The following TIA1 variants were observed in gnomAD, a reference collection of about 807,000 sequenced individuals.
TIA1 encodes the protein TIA1 cytotoxic granule associated RNA binding protein.
TIA1 carries 23 observed loss-of-function variants against 65.9 expected under a neutral mutation model. The observed-to-expected ratio is 0.35, with a 90% confidence interval of 0.25 to 0.49. The LOEUF is 0.49. Ranked by LOEUF, TIA1 falls within the 20% of genes least tolerant of loss-of-function variation. TIA1 has a pLI of 0.98. For missense variants in TIA1, 371 were observed against 477.9 expected, an observed-to-expected ratio of 0.78 and a Z score of 2.09; for synonymous variants, 147 against 149.4, an observed-to-expected ratio of 0.98 and a Z score of 0.12.
chr2:70,236,034 T>C (rs1688749371), intron 2 of TIA1, 45 bp downstream of exon 2: 3 of 1,148,528 alleles, frequency 2.6e-6, no homozygotes, highest in East Asian at 2.4e-5. Context: ...TTAAGTAATG[T>C]GTAAAAAAAA....
chr2:70,214,770 C>T (rs918056353), intron 11 of TIA1, among the ~76,000 whole-genome samples: 4 of 152,026 alleles, frequency 2.6e-5, no homozygotes, highest in Non-Finnish European at 5.9e-5. Context: ...AAATGTTAAA[C>T]TTAGTAGAAT....
intron 10 of TIA1, 25 bp from the exon 11 acceptor site, chr2:70,215,519 A>G: frequency 6.3e-7 from 1 of 1,582,228 alleles, no homozygotes; most frequent in African/African-American, 1.4e-5. Context: ...ATTAAGAATC[A>G]CCAATACAAA....
At chr2:70,216,821 C>CAGCTAG in intron 8 of TIA1, 65 bp downstream of exon 8, 1 of 1,612,074 alleles carries the variant, frequency 6.2e-7, no homozygotes, top group Non-Finnish European at 8.5e-7. Context: ...ACAGCTCTAA[C>CAGCTAG]ATTTAAAATC....
chr2:70,226,625 T>G (rs1317545113), intron 6 of TIA1, among the ~76,000 whole-genome samples: 1 of 152,126 alleles, frequency 6.6e-6, no homozygotes, highest in Non-Finnish European at 1.5e-5. Flanking sequence ...CACAAAATTG[T>G]GCATAGAGAT....
rs1676302442 is a variant in TIA1 at position 70,210,850 on chromosome 2, A to G, written c.*1869T>C. 6.6e-6 allele frequency: 1 copy of G among 152,230 alleles called. No individual in the cohort carries two copies. 9.4% of individuals were successfully genotyped at this position (152,230 alleles called of 1,614,324 possible). The stretch of plus-strand genomic sequence containing the variant: ...TTCCAAGTATTTAAAAAATTTACTC[A>G]TCTTCCATAAAGCGACTTTTAATGT... On this transcript the variant is annotated 3_prime_UTR_variant, in exon 13 of 13. Transcript: ENST00000433529.
At chr2:70,218,583 G>A (rs1275550680) in intron 7 of TIA1, among the ~76,000 whole-genome samples, 1 of 151,714 alleles carries the variant, frequency 6.6e-6, no homozygotes, top group African/African-American at 2.4e-5. Flanking sequence ...ATTTTTTTTT[G>A]TATTTTTTAG....
In TIA1 at chr2:70,248,520, G is replaced by C. The variant is rs762581409; in HGVS notation, c.-90C>G. On this transcript the variant is annotated 5_prime_UTR_variant, in exon 1 of 13. Coordinates refer to ENST00000433529, the MANE Select transcript of TIA1 (RefSeq NM_022173.4). ...TTTAAGCGGTTATGGCTACAGGATAGTGGGGTTTCTCGGCTGACCAGAGGT... is the reference window on the plus strand; with the variant it reads ...TTTAAGCGGTTATGGCTACAGGATACTGGGGTTTCTCGGCTGACCAGAGGT... The C allele has an allele frequency of 2.2e-5, 35 of 1,587,368 alleles. No homozygotes were observed. Among genetic ancestry groups the C allele is most frequent in the African/African-American group, 4.0e-5 (3 of 74,648 alleles).
chr2:70,238,939 C>A (rs78714050), intron 1 of TIA1, among the ~76,000 whole-genome samples: 3 of 151,986 alleles, frequency 2.0e-5, no homozygotes, highest in Admixed American at 6.6e-5. Context: ...GCACTATGTC[C>A]CATGGCATGG....
chr2:70,209,729 AT>A lies in TIA1; in HGVS notation c.*2989del, dbSNP rs910126542. 2.3e-5 allele frequency: 9 copies of A among 398,058 alleles called. No individual in the cohort carries two copies. Among genetic ancestry groups the A allele is most frequent in the Non-Finnish European group, 4.0e-5 (9 of 225,902 alleles). The allele number at this position is 398,058 out of a possible 1,614,324, so 24.7% of individuals were successfully genotyped here. A position where few individuals can be genotyped will look rare whatever the true frequency, so the allele number is the denominator to read the frequency against. The stretch of plus-strand genomic sequence containing the variant: ...AACATTATTTGAGAGAAAAAAACTG[AT>A]TTTTTTTAAAGAAATCATCACTCTC... On this transcript the variant is annotated 3_prime_UTR_variant, in exon 13 of 13. Transcript: ENST00000433529.
chr2:70,236,084 T>C lies in TIA1; in HGVS notation c.118A>G (p.Met40Val), dbSNP rs1688781789. ...IGPCKNCKMI[M>V]DTAGNDPYCF... ...ACTAAGTAAAATACCCTTACATCCA[T>C]AATCATTTTGCAGTTTTTACAAGGT... The change falls in exon 2 of 13, where the codon ATG becomes GTG. Residue 40 changes from methionine (M) to valine (V), a missense_variant. Physicochemically the swap from Met to Val is conservative, Grantham distance 21. Transcript: ENST00000433529. The C allele has an allele frequency of 1.3e-6, 2 of 1,580,862 alleles. No individual in the cohort carries two copies. The highest frequency in any genetic ancestry group is 1.4e-5 in the African/African-American group (1 of 73,592).
At chr2:70,218,347 A>G (rs1384942092) in intron 7 of TIA1, among the ~76,000 whole-genome samples, 4 of 152,258 alleles carry the variant, frequency 2.6e-5, no homozygotes, top group Non-Finnish European at 5.9e-5. Flanking sequence ...GACTAGTTTC[A>G]GTGGAATCCA....
At position 70,230,819 on chromosome 2, in the gene TIA1, A is replaced by G; in HGVS notation, c.159T>C (p.Phe53=). 6.2e-7 allele frequency: 1 copy of G among 1,612,756 alleles called. No homozygotes were observed. The highest frequency in any genetic ancestry group is 8.5e-7 in the Non-Finnish European group (1 of 1,179,566). The change falls in exon 3 of 13, where the codon TTT becomes TTC. Residue 53 remains phenylalanine (F), a synonymous_variant. Transcript: ENST00000433529. ...AGNDPYCFVE[F]HEHRHAAAAL... is the part of the protein sequence containing the mutation. ...CTGCAGCTGCATGACGATGCTCATGAAACTCCACAAAACAATAGGGATCAT... is the reference window on the plus strand; with the variant it reads ...CTGCAGCTGCATGACGATGCTCATGGAACTCCACAAAACAATAGGGATCAT...
intron 2 of TIA1, among the ~76,000 whole-genome samples, chr2:70,234,807 GC>G (rs778377737): frequency 2.6e-5 from 4 of 152,000 alleles, no homozygotes; most frequent in Non-Finnish European, 5.9e-5. Context: ...TGATCTGCCT[GC>G]CTCGGCCTCC....
chr2:70,239,916 G>C (rs1372017659), intron 1 of TIA1, among the ~76,000 whole-genome samples: 2 of 152,166 alleles, frequency 1.3e-5, no homozygotes, highest in Non-Finnish European at 2.9e-5. Flanking sequence ...AATAGCTCTA[G>C]TTTAGAAAAG....
chr2:70,240,591 G>C (rs1318044740), intron 1 of TIA1, among the ~76,000 whole-genome samples: 1 of 152,164 alleles, frequency 6.6e-6, no homozygotes, highest in Admixed American at 6.6e-5. Flanking sequence ...ACAGAAAGCT[G>C]GGCACAGTGG....
intron 1 of TIA1, among the ~76,000 whole-genome samples, chr2:70,244,834 C>CAA (rs70956958): frequency 0.027 from 1,395 of 52,566 alleles, 100 homozygotes; most frequent in African/African-American, 0.047. Flanking sequence ...GACTCTGTCT[C>CAA]AAAAAAAAAA....
chr2:70,244,343 C>A (rs1693261200), intron 1 of TIA1, among the ~76,000 whole-genome samples: 1 of 152,190 alleles, frequency 6.6e-6, no homozygotes. Context: ...TACCATCTAA[C>A]ATAATTACTT....
At chr2:70,225,285 A>C (rs535514748) in intron 6 of TIA1, 1 of 1,248,850 alleles carries the variant, frequency 8.0e-7, no homozygotes, top group African/African-American at 1.6e-5. Context: ...CAAGATATAA[A>C]AGCAAAATTT....
chr2:70,245,188 T>G (rs1693751156), intron 1 of TIA1, among the ~76,000 whole-genome samples: 1 of 152,180 alleles, frequency 6.6e-6, no homozygotes, highest in African/African-American at 2.4e-5. Flanking sequence ...GGTTTCACCA[T>G]GTTGCCCAGG....
Sources: gnomAD v4.1 joint callset for allele counts (sites outside exome capture counted in the v4.1 genomes callset) on GRCh38, gnomAD v4.1.1 for gene constraint, MANE v1.5 for transcripts, NCBI Gene and HGNC (gene_info 2026-07-23, HGNC 2026-07-21) for gene names.